Variants in SLC47A1 observed in about 807,000 individuals in gnomAD.
SLC47A1 encodes the protein multidrug and toxin extrusion protein 1.
A neutral mutation model predicts 65.8 loss-of-function variants in SLC47A1; 58 were observed. That is an observed-to-expected ratio of 0.88 (90% CI 0.71 to 1.10). SLC47A1 has a LOEUF of 1.10. Ranked by LOEUF, SLC47A1 falls within the 50% of genes least tolerant of loss-of-function variation. SLC47A1 has a pLI of 0.00. For missense variants in SLC47A1, 706 were observed against 719.2 expected, an observed-to-expected ratio of 0.98 and a Z score of 0.21; for synonymous variants, 285 against 295.0, an observed-to-expected ratio of 0.97 and a Z score of 0.35.
At chr17:19,554,855 A>G (rs1954665982) in intron 6 of SLC47A1, among the ~76,000 whole-genome samples, 1 of 152,024 alleles carries the variant, frequency 6.6e-6, no homozygotes, top group Non-Finnish European at 1.5e-5. Context: ...AAGTATTCTC[A>G]TTTTCTCCTA....
Position 19,555,253 on chromosome 17 carries a change from C to T in SLC47A1, c.585C>T (p.Asn195=). 6.2e-7 allele frequency: 1 copy of T among 1,614,208 alleles called. No homozygotes were observed. Among genetic ancestry groups the T allele is most frequent in the Non-Finnish European group, 8.5e-7 (1 of 1,180,036 alleles). ...LPQIVTGVAA[N]LVNALANYLF... ...AGATCGTAACTGGAGTTGCAGCCAA[C>T]CTTGTCAATGCCCTCGCCAACTATC... The change falls in exon 7 of 17, where the codon AAC becomes AAT. Residue 195 remains asparagine, a synonymous_variant. Transcript: ENST00000270570.
intron 1 of SLC47A1, chr17:19,534,281 G>A: frequency 1.8e-6 from 1 of 562,820 alleles, no homozygotes; most frequent in Non-Finnish European, 2.8e-6. Context: ...CACCCGACTG[G>A]GGGCCCCGCG....
chr17:19,571,152 T>C, intron 14 of SLC47A1: 1 of 189,630 alleles, frequency 5.3e-6, no homozygotes. Flanking sequence ...TTAATTTCCT[T>C]ATAACTGGCA....
chr17:19,566,663 G>C, intron 12 of SLC47A1, 127 bp from the exon 13 acceptor site: 1 of 763,920 alleles, frequency 1.3e-6, no homozygotes, highest in Non-Finnish European at 2.2e-6. Flanking sequence ...GACCTCAGGT[G>C]ATCCTCCCGC....
intron 14 of SLC47A1, chr17:19,567,669 G>T (rs549269711): frequency 5.1e-6 from 1 of 194,778 alleles, no homozygotes; most frequent in Non-Finnish European, 1.1e-5. Context: ...GCGGTCCTGC[G>T]TGCGTGGGGT....
At chr17:19,561,404 G>A (rs1381392139) in intron 12 of SLC47A1, among the ~76,000 whole-genome samples, 13 of 152,216 alleles carry the variant, frequency 8.5e-5, no homozygotes, top group Middle Eastern at 3.4e-3. Flanking sequence ...AGCACTTTGG[G>A]AGGTTGAGGC....
chr17:19,566,818 G>T lies in SLC47A1; in HGVS notation c.1135G>T (p.Val379Phe), dbSNP rs750032324. ...RDIINLVAQV[V>F]PIYAVSHLFE... ...CATCATTAATCTGGTGGCTCAGGTG[G>T]TTCCAATTTATGCTGTTTCCCACCT... The change falls in exon 13 of 17, where the codon GTT (valine) becomes TTT (phenylalanine). Residue 379 changes from valine to phenylalanine, a missense_variant. Coordinates refer to ENST00000270570, the MANE Select transcript of SLC47A1 (RefSeq NM_018242.3). 12 of 1,614,154 alleles carry T rather than the reference G, an allele frequency of 7.4e-6. No homozygotes were observed. Among genetic ancestry groups the T allele is most frequent in the Middle Eastern group, 3.3e-4 (2 of 6,062 alleles).
rs1441313284 is a variant in SLC47A1 at position 19,533,990 on chromosome 17, C to G, written c.51C>G (p.Thr17=). The G allele has an allele frequency of 6.5e-7, 1 of 1,543,718 alleles. No homozygotes were observed. Among genetic ancestry groups the G allele is most frequent in the South Asian group, 1.2e-5 (1 of 82,720 alleles). ...PAPVRGGPEA[T]LEVRGSRCLR... is the part of the protein sequence containing the mutation. ...CAGTGCGCGGAGGCCCGGAGGCCAC[C>G]CTTGAGGTCCGTGGGTCGCGCTGCT... Residue 17 remains threonine (T), a synonymous_variant, in exon 1 of 17, where the codon ACC becomes ACG. Coordinates refer to ENST00000270570, the MANE Select transcript of SLC47A1 (RefSeq NM_018242.3).
At chr17:19,575,413 T>TC (rs1208909633) in intron 16 of SLC47A1, among the ~76,000 whole-genome samples, 4 of 150,416 alleles carry the variant, frequency 2.7e-5, no homozygotes, top group Admixed American at 6.6e-5. Flanking sequence ...TTTTTTTTTT[T>TC]TTTGAGATAG....
chr17:19,546,865 C>T (rs1715402682), intron 3 of SLC47A1: 1 of 198,016 alleles, frequency 5.1e-6, no homozygotes, highest in South Asian at 1.1e-4. Flanking sequence ...TGGCCCCACC[C>T]AGTGGCAGGC....
chr17:19,551,460 C>G lies in SLC47A1; in HGVS notation c.535C>G (p.Leu179Val). 6.2e-7 allele frequency: 1 copy of G among 1,609,872 alleles called. No individual in the cohort carries two copies. Among genetic ancestry groups the G allele is most frequent in the Non-Finnish European group, 8.5e-7 (1 of 1,176,102 alleles). Residue 179 changes from leucine to valine, a missense_variant, in exon 6 of 17, where the codon CTC becomes GTC. Coordinates refer to ENST00000270570, the MANE Select transcript of SLC47A1 (RefSeq NM_018242.3). ...TTATATGTTACAAGTTAAATATTTG[C>G]TCAACCAGGTAATACTGACTGTTCT... ...FLYMLQVKYL[L>V]NQGIVLPQIV...
chr17:19,534,443 G>T (rs1033970677), intron 1 of SLC47A1: 5 of 203,496 alleles, frequency 2.5e-5, no homozygotes, highest in Non-Finnish European at 2.9e-5. Context: ...GCATCCGGGG[G>T]TGCCTTCTCT....
At chr17:19,553,955 A>C (rs1780690158) in intron 6 of SLC47A1, among the ~76,000 whole-genome samples, 1 of 152,146 alleles carries the variant, frequency 6.6e-6, no homozygotes, top group Non-Finnish European at 1.5e-5. Context: ...CCTTGCTACA[A>C]ACTAACCAGG....
At position 19,555,911 on chromosome 17, in the gene SLC47A1, T is replaced by C. The variant is rs777619905; in HGVS notation, c.853+2T>C. On this transcript the variant is annotated splice_donor_variant, in intron 9 of 16. Transcript: ENST00000270570. LOFTEE classifies it high-confidence loss of function. ...ATGAGGTCGGGAGCTTCCTCAGTGG[T>C]CTGTATGAGGATGGATGACGGGGAC... 3.7e-6 allele frequency: 6 copies of C among 1,613,758 alleles called. No homozygotes were observed. The South Asian group carries it at 6.6e-5, about 18-fold the overall frequency.
chr17:19,548,248 C>T lies in SLC47A1; in HGVS notation c.455+115C>T. 3 of 1,312,320 alleles carry T rather than the reference C, an allele frequency of 2.3e-6. No individual in the cohort carries two copies. The Middle Eastern group carries it at 7.0e-4, about 305-fold the overall frequency. 81.3% of individuals were successfully genotyped at this position (1,312,320 alleles called of 1,614,324 possible). A position where few individuals can be genotyped will look rare whatever the true frequency, so the allele number is the denominator to read the frequency against. On this transcript the variant is annotated intron_variant, in intron 4 of 16. Transcript: ENST00000270570. The stretch of plus-strand genomic sequence containing the variant: ...GCACACCAAGGTGGTGCTCATCTCT[C>T]CTTGGCTGACGTCTCCTAGGTCTTA...
rs368504437 is a variant in SLC47A1, at chr17:19,577,584, T to A, written c.*31T>A. 46 of 1,612,802 alleles carry A rather than the reference T, an allele frequency of 2.9e-5. No individual in the cohort carries two copies. Among genetic ancestry groups the A allele is most frequent in the Non-Finnish European group, 3.5e-5 (41 of 1,179,452 alleles). On this transcript the variant is annotated 3_prime_UTR_variant, in exon 17 of 17. Transcript: ENST00000270570. ...TAGGAAAGAAAGTCAGGTCAAGTGA[T>A]GCTTTTGAGCTTACACACAATTCAC...
intron 1 of SLC47A1, among the ~76,000 whole-genome samples, chr17:19,538,116 A>G (rs1011879793): frequency 6.6e-6 from 1 of 152,368 alleles, no homozygotes. Context: ...AAATGCCTCT[A>G]AAGGATGAGA....
chr17:19,564,341 C>A (rs940667045), intron 12 of SLC47A1, among the ~76,000 whole-genome samples: 6 of 151,110 alleles, frequency 4.0e-5, no homozygotes, highest in Non-Finnish European at 7.4e-5. Flanking sequence ...ACAGTGAGAC[C>A]CTGTCTAAAA....
At chr17:19,569,530 T>C (rs1356636960) in intron 14 of SLC47A1, among the ~76,000 whole-genome samples, 5 of 152,178 alleles carry the variant, frequency 3.3e-5, no homozygotes, top group African/African-American at 7.2e-5. Context: ...GAATTGGTTT[T>C]GAGTATTGTG....
Sources: gnomAD v4.1 joint callset for allele counts (sites outside exome capture counted in the v4.1 genomes callset) on GRCh38, gnomAD v4.1.1 for gene constraint, MANE v1.5 for transcripts, NCBI Gene and HGNC (gene_info 2026-07-23, HGNC 2026-07-21) for gene names.